Variants in PPM1D observed in about 807,000 individuals in gnomAD.
PPM1D encodes protein phosphatase, Mg2+/Mn2+ dependent 1D.
A neutral mutation model predicts 58.3 loss-of-function variants in PPM1D; 52 were observed. That is an observed-to-expected ratio of 0.89 (90% CI 0.71 to 1.12). The LOEUF (loss-of-function observed/expected upper bound fraction) is 1.12. Among genes scored for constraint, PPM1D ranks in the 50% most tolerant of loss-of-function variants. The pLI is 0.00. For missense variants in PPM1D, 564 were observed against 777.2 expected, an observed-to-expected ratio of 0.73 and a Z score of 3.26; for synonymous variants, 278 against 285.1, an observed-to-expected ratio of 0.98 and a Z score of 0.25.
At chr17:60,627,457 T>C (rs2030833009) in intron 2 of PPM1D, among the ~76,000 whole-genome samples, 1 of 151,976 alleles carries the variant, frequency 6.6e-6, no homozygotes. Flanking sequence ...AGTCTTGCCC[T>C]GTTACCCAGG....
chr17:60,657,173 A>G (rs2031457296), intron 5 of PPM1D: 1 of 992,338 alleles, frequency 1.0e-6, no homozygotes, highest in African/African-American at 1.7e-5. Context: ...AGTAGAGCTA[A>G]TGTTATTATT....
At chr17:60,606,581 C>T (rs759136897) in intron 1 of PPM1D, among the ~76,000 whole-genome samples, 1 of 151,942 alleles carries the variant, frequency 6.6e-6, no homozygotes, top group Non-Finnish European at 1.5e-5. Flanking sequence ...AAAAAAAATC[C>T]TGATGAATGT....
intron 3 of PPM1D, among the ~76,000 whole-genome samples, chr17:60,640,344 A>G (rs1045762376): frequency 1.3e-5 from 2 of 152,348 alleles, no homozygotes; most frequent in East Asian, 1.9e-4. Flanking sequence ...CTTAAAAACA[A>G]TTGTGAACTA....
At position 60,600,578 on chromosome 17, in the gene PPM1D, C is replaced by G. The variant is rs1443684200; in HGVS notation, c.164C>G (p.Pro55Arg). 6.4e-7 allele frequency: 1 copy of G among 1,552,962 alleles called. No homozygotes were observed. The highest frequency in any genetic ancestry group is 2.4e-5 in the East Asian group (1 of 41,130). The change falls in exon 1 of 6, where the codon CCG becomes CGG. Residue 55 changes from proline to arginine, a missense_variant. Around this residue, in one of 7 missense-constraint regions of PPM1D, gnomAD observed 132 missense variants for 150.4 expected, o/e 0.88. Coordinates refer to ENST00000305921, the MANE Select transcript of PPM1D (RefSeq NM_003620.4). ...CAGCCGTTGCCTCCGCGGCCGTCGC[C>G]GGCCGCCCTTCCCGGCGGCGAAGTC... is the stretch of plus-strand genomic sequence containing the variant. ...LSQPLPPRPSPAALPGGEVSG... is the reference protein window; with the variant it reads ...LSQPLPPRPSRAALPGGEVSG...
chr17:60,635,579 GT>G (rs1168056975), intron 3 of PPM1D, among the ~76,000 whole-genome samples: 1 of 152,126 alleles, frequency 6.6e-6, no homozygotes, highest in Non-Finnish European at 1.5e-5. Context: ...CTTACCAACT[GT>G]TTTTGTGTCG....
rs532912259 is a variant in PPM1D, at chr17:60,653,536, A to G, written c.1018-3063A>G. Among the ~76,000 whole-genome samples, 8 of 152,340 alleles carry G rather than the reference A, an allele frequency of 5.3e-5. No homozygotes were observed. The South Asian group carries it at 1.0e-3, about 20-fold the overall frequency. On this transcript the variant is annotated intron_variant, in intron 4 of 5. Coordinates refer to ENST00000305921, the MANE Select transcript of PPM1D (RefSeq NM_003620.4). ...GCTATTCAGGATATTTTGTGGTTTC[A>G]TATGAATTCTGAGCTTAAAGAAAAA...
intron 1 of PPM1D, among the ~76,000 whole-genome samples, chr17:60,619,080 C>T (rs2030644923): frequency 6.6e-6 from 1 of 152,208 alleles, no homozygotes; most frequent in African/African-American, 2.4e-5. Context: ...TCCTTCTACT[C>T]TTTCCTTCTG....
At chr17:60,646,204 CT>C (rs2031248487) in intron 3 of PPM1D, among the ~76,000 whole-genome samples, 1 of 152,120 alleles carries the variant, frequency 6.6e-6, no homozygotes, top group Non-Finnish European at 1.5e-5. Flanking sequence ...TTATAATTAG[CT>C]TTTAGTGCTT....
At chr17:60,647,274 A>AAC (rs2031266692) in intron 3 of PPM1D, among the ~76,000 whole-genome samples, 2 of 152,204 alleles carry the variant, frequency 1.3e-5, no homozygotes, top group African/African-American at 4.8e-5. Flanking sequence ...TAGAATCTAT[A>AAC]ATCTTCATAA....
chr17:60,650,018 A>T (rs2031315383), intron 4 of PPM1D, among the ~76,000 whole-genome samples: 1 of 152,198 alleles, frequency 6.6e-6, no homozygotes, highest in African/African-American at 2.4e-5. Flanking sequence ...TAAAGACAAA[A>T]ACCAGTTTGT....
chr17:60,660,725 C>T (rs2031511939), intron 5 of PPM1D, among the ~76,000 whole-genome samples: 1 of 152,096 alleles, frequency 6.6e-6, no homozygotes, highest in Admixed American at 6.5e-5. Flanking sequence ...CGCGCCACTG[C>T]ACTCCAGCCT....
chr17:60,659,746 C>T (rs192911328), intron 5 of PPM1D, among the ~76,000 whole-genome samples: 26 of 152,294 alleles, frequency 1.7e-4, no homozygotes, highest in Admixed American at 1.1e-3. Context: ...ACATGCAGGC[C>T]TTAGCAATAC....
intron 4 of PPM1D, among the ~76,000 whole-genome samples, chr17:60,654,715 A>C (rs2031402921): frequency 6.6e-6 from 1 of 151,556 alleles, no homozygotes. Flanking sequence ...TACAAAAAAA[A>C]AATTTAGCTG....
chr17:60,605,678 G>A (rs1231933912), intron 1 of PPM1D, among the ~76,000 whole-genome samples: 2 of 152,196 alleles, frequency 1.3e-5, no homozygotes, highest in Non-Finnish European at 2.9e-5. Context: ...CAAGGCGGGC[G>A]GATCACCCAA....
At chr17:60,659,753 ATACAAATTAACCTGGGG>A (rs934968404) in intron 5 of PPM1D, among the ~76,000 whole-genome samples, 8 of 152,224 alleles carry the variant, frequency 5.3e-5, no homozygotes, top group African/African-American at 1.9e-4. Flanking sequence ...GGCCTTAGCA[ATACAAATTAACCTGGGG>A]TACATCTAAG....
At chr17:60,639,963 G>A (rs1429401390) in intron 3 of PPM1D, among the ~76,000 whole-genome samples, 2 of 152,146 alleles carry the variant, frequency 1.3e-5, no homozygotes, top group African/African-American at 4.8e-5. Context: ...TAGCTGGAAC[G>A]GATAAGGAAA....
chr17:60,602,747 C>T (rs186729889), intron 1 of PPM1D, among the ~76,000 whole-genome samples: 23 of 137,906 alleles, frequency 1.7e-4, no homozygotes, highest in Admixed American at 1.6e-4. Flanking sequence ...TTTTGTACCA[C>T]AGCTAGACCT....
chr17:60,654,543 T>C (rs2031399752), intron 4 of PPM1D, among the ~76,000 whole-genome samples: 1 of 149,924 alleles, frequency 6.7e-6, no homozygotes, highest in African/African-American at 2.5e-5. Flanking sequence ...TTTTCATTAG[T>C]CATTTATTTC....
chr17:60,663,261 C>T lies in PPM1D; in HGVS notation c.1527C>T (p.Asp509=), dbSNP rs746718735. 2 of 1,614,062 alleles carry T rather than the reference C, an allele frequency of 1.2e-6. No homozygotes were observed. Among genetic ancestry groups the T allele is most frequent in the East Asian group, 2.2e-5 (1 of 44,880 alleles). ...CTAATTCAACAAACACTGTCATGGACCAAAAAAATTTGAAGATGTCAACTC... is the reference window on the plus strand; with the variant it reads ...CTAATTCAACAAACACTGTCATGGATCAAAAAAATTTGAAGATGTCAACTC... ...VPTNSTNTVM[D]QKNLKMSTPG... The change falls in exon 6 of 6, where the codon GAC becomes GAT. Residue 509 remains aspartate (D), a synonymous_variant. Transcript: ENST00000305921.
Sources: gnomAD v4.1 joint callset for allele counts (sites outside exome capture counted in the v4.1 genomes callset) on GRCh38, gnomAD v4.1.1 for gene constraint, gnomAD v4.1.1 regional missense constraint, MANE v1.5 for transcripts, NCBI Gene and HGNC (gene_info 2026-07-23, HGNC 2026-07-21) for gene names.